The following OXSR1 variants were observed in gnomAD, a reference collection of about 807,000 sequenced individuals.
The protein encoded by OXSR1 is serine/threonine-protein kinase OSR1.
OXSR1 carries 24 observed loss-of-function variants against 79.8 expected under a neutral mutation model. The ratio of observed to expected loss-of-function variants is 0.30; its 90% CI spans 0.22 to 0.42. The LOEUF (loss-of-function observed/expected upper bound fraction) is 0.42, where lower values mean the gene tolerates loss of function less well. OXSR1 is among the 10% of genes least tolerant of loss of function. OXSR1 has a pLI of 1.00. For synonymous variants in OXSR1, 226 were observed against 209.2 expected, an observed-to-expected ratio of 1.08 and a Z score of -0.69; for missense variants, 430 against 618.4, an observed-to-expected ratio of 0.70 and a Z score of 3.23.
chr3:38,218,397 T>A (rs1324199772), intron 5 of OXSR1, among the ~76,000 whole-genome samples: 1 of 152,222 alleles, frequency 6.6e-6, no homozygotes, highest in Non-Finnish European at 1.5e-5. Flanking sequence ...TGGTTTTGAT[T>A]TGTATTTCCC....
At chr3:38,210,042 T>C (rs547297384) in intron 4 of OXSR1, among the ~76,000 whole-genome samples, 55 of 152,274 alleles carry the variant, frequency 3.6e-4, no homozygotes, top group African/African-American at 1.3e-3. Flanking sequence ...GGATACAGGA[T>C]TCTAGGTTGG....
chr3:38,179,672 A>G (rs1328585855), intron 1 of OXSR1, among the ~76,000 whole-genome samples: 1 of 152,134 alleles, frequency 6.6e-6, no homozygotes, highest in Non-Finnish European at 1.5e-5. Context: ...ACTCAAGTAT[A>G]CCCAAATTCA....
intron 15 of OXSR1, among the ~76,000 whole-genome samples, chr3:38,250,968 G>T (rs1703244616): frequency 6.6e-6 from 1 of 151,952 alleles, no homozygotes; most frequent in South Asian, 2.1e-4. Context: ...GTACCACCTG[G>T]AATAACTAGA....
intron 8 of OXSR1, 93 bp downstream of exon 8, chr3:38,224,797 A>G: frequency 1.2e-6 from 1 of 848,836 alleles, no homozygotes; most frequent in South Asian, 2.0e-5. Flanking sequence ...AATTATTTTC[A>G]AAAGAACTAA....
chr3:38,214,541 G>T (rs895765723), intron 4 of OXSR1, among the ~76,000 whole-genome samples: 1 of 152,208 alleles, frequency 6.6e-6, no homozygotes, highest in African/African-American at 2.4e-5. Context: ...AAGGGAGTTG[G>T]AAGTTAGTGG....
In OXSR1 at chr3:38,230,319, T is replaced by G. The variant is rs1006984963; in HGVS notation, c.886-46T>G. On this transcript the variant is annotated intron_variant, in intron 9 of 17. Coordinates refer to ENST00000311806, the MANE Select transcript of OXSR1 (RefSeq NM_005109.3). ...GAACTTTTTTGTGGGTTTTTTTTGG[T>G]ACCTTAAAAACTTGTAAGAACAAAA... 3 of 1,226,714 alleles carry G rather than the reference T, an allele frequency of 2.4e-6. No homozygotes were observed. In the East Asian group the frequency reaches 7.0e-5, roughly 29 times the overall value. 76.0% of individuals were successfully genotyped at this position (1,226,714 alleles called of 1,614,324 possible). A position where few individuals can be genotyped will look rare whatever the true frequency, so the allele number is the denominator to read the frequency against.
chr3:38,247,618 C>G, intron 13 of OXSR1, 50 bp from the exon 14 acceptor site: 1 of 1,328,856 alleles, frequency 7.5e-7, no homozygotes, highest in Non-Finnish European at 1.1e-6. Context: ...TTAGTCACCT[C>G]CCCACTTAAT....
intron 5 of OXSR1, among the ~76,000 whole-genome samples, chr3:38,218,460 A>G (rs1055460671): frequency 6.6e-6 from 1 of 152,080 alleles, no homozygotes; most frequent in African/African-American, 2.4e-5. Context: ...CCATTTGTAT[A>G]TCTTCTTTGG....
chr3:38,244,235 A>G (rs1196248350), intron 12 of OXSR1, among the ~76,000 whole-genome samples: 4 of 151,952 alleles, frequency 2.6e-5, no homozygotes, highest in Admixed American at 1.3e-4. Flanking sequence ...ACTCTTGCAT[A>G]CTCATATTCT....
intron 4 of OXSR1, among the ~76,000 whole-genome samples, chr3:38,210,626 T>C (rs574285453): frequency 6.6e-6 from 1 of 152,192 alleles, no homozygotes; most frequent in African/African-American, 2.4e-5. Flanking sequence ...CTCCAGACAT[T>C]TGTCAACTAC....
intron 11 of OXSR1, among the ~76,000 whole-genome samples, chr3:38,241,477 AT>A (rs1437265658): frequency 6.6e-6 from 1 of 152,158 alleles, no homozygotes; most frequent in Non-Finnish European, 1.5e-5. Context: ...ATCATGTTAA[AT>A]TTAATGAGAA....
At chr3:38,210,718 A>G (rs547259592) in intron 4 of OXSR1, among the ~76,000 whole-genome samples, 7 of 152,284 alleles carry the variant, frequency 4.6e-5, no homozygotes, top group Non-Finnish European at 7.4e-5. Flanking sequence ...CTGTAATTCT[A>G]TCTTCCTGTC....
At chr3:38,229,080 C>T (rs991635063) in intron 8 of OXSR1, among the ~76,000 whole-genome samples, 7 of 152,022 alleles carry the variant, frequency 4.6e-5, no homozygotes, top group East Asian at 1.9e-4. Flanking sequence ...AATTGACAGT[C>T]GTGTCTTTAC....
chr3:38,247,294 T>G (rs1703160612), intron 13 of OXSR1, among the ~76,000 whole-genome samples: 1 of 152,090 alleles, frequency 6.6e-6, no homozygotes, highest in South Asian at 2.1e-4. Context: ...TGGTTCAGGG[T>G]CTACCTTTTG....
At chr3:38,173,741 A>T (rs920184729) in intron 1 of OXSR1, among the ~76,000 whole-genome samples, 16 of 152,228 alleles carry the variant, frequency 1.1e-4, no homozygotes, top group African/African-American at 3.9e-4. Context: ...TTCATTCAGC[A>T]AATATTTCTT....
chr3:38,202,262 CTG>C (rs1427481304), intron 4 of OXSR1, among the ~76,000 whole-genome samples: 1 of 152,100 alleles, frequency 6.6e-6, no homozygotes, highest in Non-Finnish European at 1.5e-5. Flanking sequence ...GGGATTGTCT[CTG>C]TGATTGTTAA....
Position 38,236,819 on chromosome 3 carries a change from C to T in OXSR1, c.952-20C>T, listed in dbSNP as rs773227053. On this transcript the variant is annotated intron_variant, in intron 10 of 17. Coordinates refer to ENST00000311806, the MANE Select transcript of OXSR1 (RefSeq NM_005109.3). ...AAGCATGAAATACCACCATAACCCA[C>T]TTCTCTTTCTAATGAGCAGGTTCGG... is the stretch of plus-strand genomic sequence containing the variant. The T allele has an allele frequency of 7.6e-6, 12 of 1,583,616 alleles. No individual in the cohort carries two copies. Among genetic ancestry groups the T allele is most frequent in the African/African-American group, 1.4e-5 (1 of 73,530 alleles).
At chr3:38,223,204 T>C (rs1039322098) in intron 6 of OXSR1, among the ~76,000 whole-genome samples, 3 of 152,144 alleles carry the variant, frequency 2.0e-5, no homozygotes, top group Non-Finnish European at 4.4e-5. Flanking sequence ...GGTGCCATCA[T>C]GGCTTACTGC....
intron 1 of OXSR1, among the ~76,000 whole-genome samples, chr3:38,166,160 G>A (rs1701450343): frequency 6.6e-6 from 1 of 152,030 alleles, no homozygotes; most frequent in Non-Finnish European, 1.5e-5. Flanking sequence ...CGTGGGGTGG[G>A]GTGAGGCTTG....
Sources: gnomAD v4.1 joint callset for allele counts (sites outside exome capture counted in the v4.1 genomes callset) on GRCh38, gnomAD v4.1.1 for gene constraint, MANE v1.5 for transcripts, NCBI Gene and HGNC (gene_info 2026-07-23, HGNC 2026-07-21) for gene names.